Variants in PREPL observed in about 807,000 individuals in gnomAD.
PREPL encodes the protein prolyl endopeptidase-like.
Under a neutral mutation model 70.6 loss-of-function variants are expected in PREPL, and 77 were observed. The observed-to-expected ratio is 1.09, with a 90% CI of 0.91 to 1.32. The LOEUF is 1.32. Ranked by LOEUF, PREPL falls within the 40% of genes most tolerant of loss-of-function variation. PREPL has a pLI of 0.00. For synonymous variants in PREPL, 315 were observed against 264.8 expected, an observed-to-expected ratio of 1.19 and a Z score of -1.84; for missense variants, 1,002 against 778.2, an observed-to-expected ratio of 1.29 and a Z score of -3.42.
intron 8 of PREPL, among the ~76,000 whole-genome samples, chr2:44,331,655 C>T (rs1674105506): frequency 6.6e-6 from 1 of 152,168 alleles, no homozygotes; most frequent in African/African-American, 2.4e-5. Flanking sequence ...TCCCTGATCT[C>T]TCTAGACTAG....
intron 6 of PREPL, 101 bp from the exon 7 acceptor site, chr2:44,338,637 G>T: frequency 1.1e-6 from 1 of 948,804 alleles, no homozygotes; most frequent in Non-Finnish European, 1.6e-6. Context: ...AGTCCTCACT[G>T]TTTTATGAAG....
At chr2:44,335,118 T>C (rs569340471) in intron 7 of PREPL, among the ~76,000 whole-genome samples, 1 of 152,228 alleles carries the variant, frequency 6.6e-6, no homozygotes, top group East Asian at 1.9e-4. Flanking sequence ...ACTAGAACAT[T>C]ATAAAAGTCG....
At chr2:44,351,182 G>A (rs918395779) in intron 1 of PREPL, among the ~76,000 whole-genome samples, 3 of 149,678 alleles carry the variant, frequency 2.0e-5, no homozygotes, top group Admixed American at 6.7e-5. Context: ...TGAACCACCC[G>A]CCTCAGCCTC....
At position 44,332,499 on chromosome 2, in the gene PREPL, G is replaced by A. The variant is rs1250247364; in HGVS notation, c.1046C>T (p.Thr349Ile). The A allele has an allele frequency of 6.2e-7, 1 of 1,613,958 alleles. No individual in the cohort carries two copies. Among genetic ancestry groups the A allele is most frequent in the African/African-American group, 1.3e-5 (1 of 74,918 alleles). ...TAGACGTAAAACGCGACTAGTCTTT[G>A]TGATTGGGTCTTCATGCCCAGTTTC... ...FEETGHEDPI[T>I]KTSRVLRLEA... The change falls in exon 8 of 14, where the codon ACA becomes ATA. Residue 349 changes from threonine to isoleucine, a missense_variant. Coordinates refer to ENST00000409411, the MANE Select transcript of PREPL (RefSeq NM_001171613.2).
intron 1 of PREPL, among the ~76,000 whole-genome samples, chr2:44,350,965 C>CTTTTTTT (rs34798485): frequency 6.7e-6 from 1 of 150,222 alleles, no homozygotes; most frequent in Non-Finnish European, 1.5e-5. Context: ...AACTCCCTGG[C>CTTTTTTT]TTTTTTTTTG....
rs529141023 is a variant in PREPL at position 44,323,159 on chromosome 2, A to G, written c.1629+103T>C. 5.8e-5 allele frequency: 68 copies of G among 1,177,488 alleles called. 1 individual carries two copies. The East Asian group carries it at 1.5e-3, about 27-fold the overall frequency. 72.9% of individuals were successfully genotyped at this position (1,177,488 alleles called of 1,614,324 possible). On this transcript the variant is annotated intron_variant, in intron 11 of 13. Coordinates refer to ENST00000409411, the MANE Select transcript of PREPL (RefSeq NM_001171613.2). ...GAAGATATTTGGGCATCATAAGTAG[A>G]AACATCTCTAAAGCTCCTATTTTTG...
intron 4 of PREPL, among the ~76,000 whole-genome samples, chr2:44,343,036 C>A (rs531082884): frequency 6.6e-6 from 1 of 152,310 alleles, no homozygotes; most frequent in East Asian, 1.9e-4. Context: ...GAAGTTTGCA[C>A]ACAATTACAC....
intron 4 of PREPL, 99 bp from the exon 5 acceptor site, chr2:44,342,651 C>G: frequency 1.1e-6 from 1 of 944,366 alleles, no homozygotes; most frequent in South Asian, 1.7e-5. Flanking sequence ...CCAGTGAGAA[C>G]ATGTGCAAGT....
At chr2:44,332,835 A>C (rs1034323842) in intron 7 of PREPL, among the ~76,000 whole-genome samples, 179 bp from the exon 8 acceptor site, 7 of 152,210 alleles carry the variant, frequency 4.6e-5, no homozygotes, top group Admixed American at 2.6e-4. Flanking sequence ...TAAAAAACAA[A>C]ACTGTACATT....
At chr2:44,341,173 T>C (rs1466860595) in intron 5 of PREPL, among the ~76,000 whole-genome samples, 1 of 152,134 alleles carries the variant, frequency 6.6e-6, no homozygotes. Context: ...AAATTATTTT[T>C]CTCAATGGGT....
rs1380245814 is a variant in PREPL at position 44,322,726 on chromosome 2, C to T, written c.1753+5G>A. On this transcript the variant is annotated splice_donor_5th_base_variant and intron_variant, in intron 12 of 13. Coordinates refer to ENST00000409411, the MANE Select transcript of PREPL (RefSeq NM_001171613.2). Reference sequence around the variant, plus strand: ...CATGTTCCCTGCTTCTAGGGGGTCTCCTACCTTCACCTGTGTCCTTAGCAT... The same window carrying T: ...CATGTTCCCTGCTTCTAGGGGGTCTTCTACCTTCACCTGTGTCCTTAGCAT... 4.3e-6 allele frequency: 7 copies of T among 1,612,220 alleles called. No individual in the cohort carries two copies. The highest frequency in any genetic ancestry group is 1.6e-4 in the Middle Eastern group (1 of 6,066).
intron 6 of PREPL, 122 bp downstream of exon 6, chr2:44,339,025 G>A: frequency 6.9e-7 from 1 of 1,451,820 alleles, no homozygotes; most frequent in Non-Finnish European, 9.2e-7. Context: ...AATGGGATTG[G>A]TTATACATAG....
At chr2:44,340,511 T>A (rs1330326078) in intron 5 of PREPL, among the ~76,000 whole-genome samples, 1 of 152,224 alleles carries the variant, frequency 6.6e-6, no homozygotes, top group Non-Finnish European at 1.5e-5. Flanking sequence ...TTGGTAAAAT[T>A]TCTTCTGTAT....
chr2:44,358,656 C>T (rs1343798083), intron 1 of PREPL, among the ~76,000 whole-genome samples: 1 of 152,094 alleles, frequency 6.6e-6, no homozygotes, highest in African/African-American at 2.4e-5. Context: ...TAGGCTGGAG[C>T]TGTGCCAGGC....
chr2:44,346,244 T>G, intron 2 of PREPL, 24 bp downstream of exon 2: 1 of 1,592,344 alleles, frequency 6.3e-7, no homozygotes. Flanking sequence ...AAAAATTTTT[T>G]TTTAAAGACA....
intron 10 of PREPL, 44 bp from the exon 11 acceptor site, chr2:44,323,455 G>A: frequency 6.8e-7 from 1 of 1,472,516 alleles, no homozygotes; most frequent in Non-Finnish European, 9.2e-7. Flanking sequence ...TAAGAGGTTG[G>A]TAAGTGAGTT....
chr2:44,328,184 G>A (rs534387393), intron 9 of PREPL, among the ~76,000 whole-genome samples: 3 of 151,212 alleles, frequency 2.0e-5, no homozygotes, highest in South Asian at 4.2e-4. Context: ...TACTCAGGAG[G>A]CTGAGGCAGG....
Position 44,326,944 on chromosome 2 carries a change from A to G in PREPL, c.1263-16T>C, listed in dbSNP as rs1243153949. On this transcript the variant is annotated splice_polypyrimidine_tract_variant and intron_variant, in intron 9 of 13. Transcript: ENST00000409411. ...ACCACCACCTCTGAAATTGAAGGGC[A>G]AAAAAGTTTTAGTGGAAAAAAAAAG... 6.2e-7 allele frequency: 1 copy of G among 1,610,478 alleles called. No homozygotes were observed. Among genetic ancestry groups the G allele is most frequent in the Non-Finnish European group, 8.5e-7 (1 of 1,177,408 alleles).
At chr2:44,338,211 G>T (rs1019064169) in intron 7 of PREPL, 140 bp downstream of exon 7, 4 of 795,466 alleles carry the variant, frequency 5.0e-6, no homozygotes, top group Non-Finnish European at 7.8e-6. Context: ...ACCCAAGAGT[G>T]ACTTTGCTAA....
Sources: allele counts gnomAD v4.1 joint callset (sites outside exome capture counted in the v4.1 genomes callset), GRCh38; gene constraint gnomAD v4.1.1; transcripts MANE v1.5; gene names NCBI Gene and HGNC (gene_info 2026-07-23, HGNC 2026-07-21).